PLA2G4A: variants seen among roughly 807,000 people sequenced by gnomAD.
PLA2G4A encodes cytosolic phospholipase A2.
Under a neutral mutation model 81.9 loss-of-function variants are expected in PLA2G4A, and 40 were observed. The ratio of observed to expected loss-of-function variants is 0.49; its 90% confidence interval spans 0.38 to 0.64. The LOEUF is 0.64. Ranked by LOEUF, PLA2G4A falls within the 30% of genes least tolerant of loss-of-function variation. The pLI is 0.00. For missense variants in PLA2G4A, 715 were observed against 905.1 expected (o/e 0.79, Z 2.69); for synonymous variants, 302 against 296.9 (o/e 1.02, Z -0.18).
At chr1:186,903,458 A>G (rs567106773) in intron 5 of PLA2G4A, among the ~76,000 whole-genome samples, 1 of 152,202 alleles carries the variant, frequency 6.6e-6, no homozygotes, top group Non-Finnish European at 1.5e-5. Context: ...GTTCTGGTCT[A>G]TGGCAAGTTA....
chr1:186,851,682 A>G (rs1234709928), intron 1 of PLA2G4A, among the ~76,000 whole-genome samples: 2 of 152,012 alleles, frequency 1.3e-5, no homozygotes, highest in African/African-American at 2.4e-5. Flanking sequence ...ATAGGTATAT[A>G]TTTCTTGTAT....
In PLA2G4A at chr1:186,854,352, A is replaced by C. The variant is rs189816316; in HGVS notation, c.-3A>C. Reference sequence around the variant, plus strand: ...GAAAACATTTCCTGTAATTGAAACCAAAATGTCATTTATAGATCCTTACCA... The same window carrying C: ...GAAAACATTTCCTGTAATTGAAACCCAAATGTCATTTATAGATCCTTACCA... On this transcript the variant is annotated 5_prime_UTR_variant, in exon 2 of 18. Transcript: ENST00000367466. 68 of 1,564,206 alleles carry C rather than the reference A, an allele frequency of 4.3e-5. No homozygotes were observed. The African/African-American group carries it at 9.1e-4, about 21-fold the overall frequency.
At chr1:186,832,755 C>T (rs185823082) in intron 1 of PLA2G4A, among the ~76,000 whole-genome samples, 20 of 152,134 alleles carry the variant, frequency 1.3e-4, no homozygotes, top group East Asian at 5.8e-4. Context: ...TAGATATTAA[C>T]GGATATAACT....
chr1:186,883,884 A>G (rs1263881424), intron 3 of PLA2G4A, among the ~76,000 whole-genome samples: 1 of 152,164 alleles, frequency 6.6e-6, no homozygotes, highest in African/African-American at 2.4e-5. Flanking sequence ...GAATAATGAG[A>G]TTTAGAAGCA....
Position 186,870,478 on chromosome 1 carries a change from G to A in PLA2G4A, c.77G>A (p.Arg26His), listed in dbSNP as rs143369014. ...YSHKFTVVVL[R>H]ATKVTKGAFG... ...CACAAGTTTACGGTAGTGGTGTTAC[G>A]TGCCACCAAAGTGACAAAGGGGGCC... Residue 26 changes from arginine to histidine, a missense_variant, in exon 3 of 18, where the codon CGT (arginine) becomes CAT (histidine). By Grantham distance (29) the Arg-to-His change is conservative. Coordinates refer to ENST00000367466, the MANE Select transcript of PLA2G4A (RefSeq NM_024420.3). 52 of 1,612,138 alleles carry A rather than the reference G, an allele frequency of 3.2e-5. No homozygotes were observed. The highest frequency in any genetic ancestry group is 2.0e-4 in the African/African-American group (15 of 75,004).
intron 14 of PLA2G4A, among the ~76,000 whole-genome samples, chr1:186,961,958 C>T (rs1353739723): frequency 1.3e-5 from 2 of 152,070 alleles, no homozygotes; most frequent in Non-Finnish European, 2.9e-5. Flanking sequence ...AAATTGCATG[C>T]CATTCTGAGT....
At position 186,909,660 on chromosome 1, in the gene PLA2G4A, CAAA is replaced by C. The variant is rs377504921; in HGVS notation, c.417-1569_417-1567del. On this transcript the variant is annotated intron_variant, in intron 6 of 17. Transcript: ENST00000367466. ...GGGCAACAGGAGCGAAACTCCGTCT[CAAA>C]AAAAAAAAAAAAAAAAAAGTTAACT... Among the ~76,000 whole-genome samples the C allele has an allele frequency of 0.017, 1,870 of 112,968 alleles. 80 individuals carry two copies. In the East Asian group the frequency reaches 0.19, roughly 12 times the overall value. 74.1% of individuals were successfully genotyped at this position (112,968 alleles called of 152,430 possible).
chr1:186,858,132 T>G (rs1199669552), intron 2 of PLA2G4A, among the ~76,000 whole-genome samples: 1 of 152,158 alleles, frequency 6.6e-6, no homozygotes, highest in Non-Finnish European at 1.5e-5. Flanking sequence ...AGTAATGGGA[T>G]TGCTGGGCCA....
At chr1:186,985,902 T>C (rs567245498) in intron 17 of PLA2G4A, among the ~76,000 whole-genome samples, 5 of 152,302 alleles carry the variant, frequency 3.3e-5, no homozygotes, top group African/African-American at 4.8e-5. Flanking sequence ...AAGGTTTAAA[T>C]TTAACATAAT....
chr1:186,971,024 C>T (rs1010397706), intron 15 of PLA2G4A, among the ~76,000 whole-genome samples: 7 of 151,262 alleles, frequency 4.6e-5, no homozygotes, highest in African/African-American at 1.2e-4. Flanking sequence ...TTCATTCTTA[C>T]CAACATCAGT....
intron 12 of PLA2G4A, among the ~76,000 whole-genome samples, chr1:186,948,992 T>G (rs555763278): frequency 6.6e-6 from 1 of 152,300 alleles, no homozygotes; most frequent in South Asian, 2.1e-4. Flanking sequence ...TTTTACTTTT[T>G]TGTTTTCTTC....
At chr1:186,836,132 T>C (rs943634252) in intron 1 of PLA2G4A, among the ~76,000 whole-genome samples, 3 of 151,836 alleles carry the variant, frequency 2.0e-5, no homozygotes, top group Admixed American at 6.6e-5. Flanking sequence ...TTGATTTGGT[T>C]GATCAATATA....
intron 17 of PLA2G4A, among the ~76,000 whole-genome samples, chr1:186,986,473 T>C (rs1657895567): frequency 6.6e-6 from 1 of 152,082 alleles, no homozygotes; most frequent in Non-Finnish European, 1.5e-5. Flanking sequence ...GGCAGGGAGA[T>C]TTTTAAAAGA....
At chr1:186,870,935 A>G (rs576167037) in intron 3 of PLA2G4A, among the ~76,000 whole-genome samples, 70 of 152,294 alleles carry the variant, frequency 4.6e-4, no homozygotes, top group Middle Eastern at 3.4e-3. Context: ...CCTGGGCCTT[A>G]AATTAGCCGA....
chr1:186,988,156 T>C (rs907912444), intron 17 of PLA2G4A, among the ~76,000 whole-genome samples: 3 of 152,200 alleles, frequency 2.0e-5, no homozygotes, highest in African/African-American at 7.2e-5. Context: ...AGAATCCTTC[T>C]TTCCCTGGTG....
rs10752984 is a variant in PLA2G4A, at chr1:186,938,300, T to G, written c.696-708T>G. On this transcript the variant is annotated intron_variant, in intron 8 of 17. Transcript: ENST00000367466. ...ACAGGTAGGAGCACCATAACTAAAT[T>G]TTTATTATCTAGATATCAAATATCA... 6.6e-5 allele frequency among the ~76,000 whole-genome samples: 10 copies of G among 152,104 alleles called. No homozygotes were observed. In the East Asian group the frequency reaches 1.9e-3, roughly 29 times the overall value.
chr1:186,943,624 A>G (rs974350656), intron 10 of PLA2G4A, among the ~76,000 whole-genome samples: 1 of 152,188 alleles, frequency 6.6e-6, no homozygotes, highest in African/African-American at 2.4e-5. Context: ...AGTCGAATGT[A>G]GAAGGATCTA....
intron 6 of PLA2G4A, among the ~76,000 whole-genome samples, chr1:186,911,028 C>G (rs1231022498): frequency 6.6e-6 from 1 of 152,208 alleles, no homozygotes; most frequent in Non-Finnish European, 1.5e-5. Flanking sequence ...TTATCTAAAG[C>G]ATTGGAAAGT....
chr1:186,932,247 A>G (rs1229472491), intron 7 of PLA2G4A, among the ~76,000 whole-genome samples: 3 of 151,624 alleles, frequency 2.0e-5, no homozygotes, highest in Admixed American at 2.0e-4. Flanking sequence ...TTTTTCTAAT[A>G]GACATTGCTT....
Sources: gnomAD v4.1 joint callset for allele counts (sites outside exome capture counted in the v4.1 genomes callset) on GRCh38, gnomAD v4.1.1 for gene constraint, MANE v1.5 for transcripts, NCBI Gene and HGNC (gene_info 2026-07-23, HGNC 2026-07-21) for gene names.